RIMS2: variants seen among roughly 807,000 people sequenced by gnomAD.
RIMS2 encodes regulating synaptic membrane exocytosis protein 2.
Under a neutral mutation model 174.4 loss-of-function variants are expected in RIMS2, and 59 were observed. The observed-to-expected ratio is 0.34, with a 90% CI of 0.27 to 0.42. The LOEUF (loss-of-function observed/expected upper bound fraction) is 0.42, where lower values mean the gene tolerates loss of function less well. RIMS2 is among the 10% of genes least tolerant of loss of function. The pLI is 1.00. For synonymous variants in RIMS2, 606 were observed against 572.5 expected, an observed-to-expected ratio of 1.06 and a Z score of -0.84; for missense variants, 1,620 against 1,666.3, an observed-to-expected ratio of 0.97 and a Z score of 0.48.
chr8:103,721,517 A>T (rs2097448308), intron 2 of RIMS2, among the ~76,000 whole-genome samples: 2 of 152,224 alleles, frequency 1.3e-5, no homozygotes, highest in African/African-American at 4.8e-5. Context: ...GTAAGAAATG[A>T]TTTAAAATGA....
intron 14 of RIMS2, among the ~76,000 whole-genome samples, chr8:103,959,713 C>T (rs902487461): frequency 7.2e-5 from 11 of 152,028 alleles, no homozygotes; most frequent in Admixed American, 2.6e-4. Context: ...CGTGAGCCAC[C>T]GTGTATCTCT....
At position 104,249,736 on chromosome 8, in the gene RIMS2, G is replaced by T. The variant is rs145420989; in HGVS notation, c.3691+148G>T. ...GACTGGTCTGGTGCTGGAGTCATTT[G>T]TGTGTTTATCCTGAATGAGTGTTCA... On this transcript the variant is annotated intron_variant, in intron 22 of 23. Coordinates refer to ENST00000504942, the Ensembl canonical transcript of RIMS2. 543 of 580,492 alleles carry T rather than the reference G, an allele frequency of 9.4e-4. 3 individuals are homozygous for T. Among genetic ancestry groups the T allele is most frequent in the African/African-American group, 9.2e-3 (490 of 53,362 alleles). 36.0% of individuals were successfully genotyped at this position (580,492 alleles called of 1,614,324 possible). A position where few individuals can be genotyped will look rare whatever the true frequency, so the allele number is the denominator to read the frequency against.
At chr8:103,970,865 G>T (rs1057451750) in intron 15 of RIMS2, among the ~76,000 whole-genome samples, 1 of 152,168 alleles carries the variant, frequency 6.6e-6, no homozygotes, top group Non-Finnish European at 1.5e-5. Context: ...ACAGAAACTA[G>T]AAGTTCCTCC....
At chr8:104,150,455 A>G (rs186297822) in intron 19 of RIMS2, among the ~76,000 whole-genome samples, 1 of 152,306 alleles carries the variant, frequency 6.6e-6, no homozygotes, top group Non-Finnish European at 1.5e-5. Flanking sequence ...TGGTGAATCT[A>G]GAGTTACACA....
intron 1 of RIMS2, among the ~76,000 whole-genome samples, chr8:103,593,854 A>G (rs2094373594): frequency 6.6e-6 from 1 of 151,378 alleles, no homozygotes; most frequent in Non-Finnish European, 1.5e-5. Flanking sequence ...TAATTTCTAA[A>G]AAGTAGATAG....
At chr8:103,687,186 G>A (rs2096951207) in intron 1 of RIMS2, among the ~76,000 whole-genome samples, 1 of 151,800 alleles carries the variant, frequency 6.6e-6, no homozygotes, top group African/African-American at 2.4e-5. Flanking sequence ...GCTAGCTTCT[G>A]TCTTTCAAAG....
intron 3 of RIMS2, among the ~76,000 whole-genome samples, chr8:103,777,717 A>G (rs969884789): frequency 1.3e-5 from 2 of 152,068 alleles, no homozygotes; most frequent in South Asian, 2.1e-4. Flanking sequence ...AAAATATTTC[A>G]TCATTTGATT....
intron 14 of RIMS2, among the ~76,000 whole-genome samples, chr8:103,950,212 C>T (rs2084992919): frequency 1.3e-5 from 2 of 151,990 alleles, no homozygotes. Flanking sequence ...GATAAAATAC[C>T]AATTCTTTAC....
chr8:103,676,006 G>C (rs930054088), intron 1 of RIMS2, among the ~76,000 whole-genome samples: 5 of 152,190 alleles, frequency 3.3e-5, no homozygotes, highest in Admixed American at 3.3e-4. Context: ...GAAAAGCACA[G>C]AGCTGAGACT....
intron 19 of RIMS2, among the ~76,000 whole-genome samples, chr8:104,032,127 A>G (rs1462511426): frequency 6.6e-6 from 1 of 152,110 alleles, no homozygotes; most frequent in Non-Finnish European, 1.5e-5. Flanking sequence ...AAAGTACAAT[A>G]AAAGCTCAAT....
chr8:103,659,508 G>A (rs886726596), intron 1 of RIMS2, among the ~76,000 whole-genome samples: 1 of 152,152 alleles, frequency 6.6e-6, no homozygotes, highest in Non-Finnish European at 1.5e-5. Flanking sequence ...CCTCAAAGTG[G>A]AGAGCATGTT....
At chr8:104,175,761 C>T (rs2098885708) in intron 19 of RIMS2, among the ~76,000 whole-genome samples, 2 of 152,150 alleles carry the variant, frequency 1.3e-5, no homozygotes, top group Non-Finnish European at 2.9e-5. Context: ...AAAGCTTTCA[C>T]ACCTTAGAGG....
At position 103,608,807 on chromosome 8, in the gene RIMS2, C is replaced by T. The variant is rs145999809; in HGVS notation, c.177-88279C>T. On this transcript the variant is annotated intron_variant, in intron 1 of 23. Coordinates refer to ENST00000504942, the Ensembl canonical transcript of RIMS2. ...GACTGGGAAAGGGAACTCCCTGATC[C>T]GTTGCACTTCCCAAGTGAGGCAATG... Among the ~76,000 whole-genome samples the T allele has an allele frequency of 9.5e-3, 1,442 of 152,332 alleles. 12 individuals carry two copies. The highest frequency in any genetic ancestry group is 0.04 in the South Asian group (193 of 4,830).
intron 1 of RIMS2, among the ~76,000 whole-genome samples, chr8:103,677,619 A>G (rs1218395562): frequency 6.6e-6 from 1 of 152,136 alleles, no homozygotes; most frequent in East Asian, 1.9e-4. Flanking sequence ...TGGTTACCCA[A>G]TGCTCCTGGG....
intron 19 of RIMS2, among the ~76,000 whole-genome samples, chr8:104,101,086 TG>T (rs2097886852): frequency 7.8e-5 from 11 of 141,504 alleles, no homozygotes; most frequent in African/African-American, 2.6e-4. Flanking sequence ...ATATTATATA[TG>T]TAATATATAA....
At chr8:104,120,584 A>G (rs2098358199) in intron 19 of RIMS2, among the ~76,000 whole-genome samples, 2 of 152,178 alleles carry the variant, frequency 1.3e-5, no homozygotes, top group Admixed American at 1.3e-4. Context: ...AAAAAGTTAA[A>G]GGATATTTTT....
At position 103,593,175 on chromosome 8, in the gene RIMS2, T is replaced by G. The variant is rs140756705; in HGVS notation, c.176+92113T>G. On this transcript the variant is annotated intron_variant, in intron 1 of 23. Coordinates refer to ENST00000504942, the Ensembl canonical transcript of RIMS2. Reference sequence around the variant, plus strand: ...AGTAAAAATTAGAATTTTGGAAAACTTGTTCACTACCATGAATGTGACAGT... The same window carrying G: ...AGTAAAAATTAGAATTTTGGAAAACGTGTTCACTACCATGAATGTGACAGT... Among the ~76,000 whole-genome samples the G allele has an allele frequency of 2.6e-3, 400 of 151,634 alleles. 3 individuals are homozygous for G. The highest frequency in any genetic ancestry group is 8.4e-3 in the African/African-American group (350 of 41,510).
chr8:103,599,973 A>G (rs1685297336), intron 1 of RIMS2, among the ~76,000 whole-genome samples: 1 of 152,110 alleles, frequency 6.6e-6, no homozygotes, highest in African/African-American at 2.4e-5. Context: ...TGTGCTATCA[A>G]ATATGGTCTT....
At chr8:104,134,985 G>A (rs2098506193) in intron 19 of RIMS2, among the ~76,000 whole-genome samples, 1 of 151,336 alleles carries the variant, frequency 6.6e-6, no homozygotes, top group South Asian at 2.1e-4. Context: ...GTTACAACAA[G>A]TTAGTATGAG....
Sources: gnomAD v4.1 joint callset for allele counts (sites outside exome capture counted in the v4.1 genomes callset) on GRCh38, gnomAD v4.1.1 for gene constraint, MANE v1.5 for transcripts, NCBI Gene and HGNC (gene_info 2026-07-23, HGNC 2026-07-21) for gene names.